Variants in HMCN2 observed in about 807,000 individuals in gnomAD.
HMCN2 encodes hemicentin 2, also known as hemicentin-2.
In HMCN2, 325 loss-of-function variants were observed where a neutral mutation model predicts 377.5. The ratio of observed to expected loss-of-function variants is 0.86; its 90% CI spans 0.79 to 0.94. The LOEUF (loss-of-function observed/expected upper bound fraction) is 0.94, where lower values mean the gene tolerates loss of function less well. HMCN2 is among the 40% of genes least tolerant of loss of function. The pLI, the probability that HMCN2 is intolerant of heterozygous loss-of-function variation, is 0.00. For synonymous variants in HMCN2, 2,007 were observed against 2,046.8 expected (o/e 0.98, Z 0.53); for missense variants, 4,543 against 4,725.3 (o/e 0.96, Z 1.13).
chr9:130,433,543 G>C lies in HMCN2; in HGVS notation c.15090G>C (p.Ala5030=). The C allele has an allele frequency of 6.8e-7, 1 of 1,468,318 alleles. No individual in the cohort carries two copies. Among genetic ancestry groups the C allele is most frequent in the East Asian group, 2.9e-5 (1 of 34,744 alleles). The allele number at this position is 1,468,318 out of a possible 1,614,324, so 91.0% of individuals were successfully genotyped here. A position where few individuals can be genotyped will look rare whatever the true frequency, so the allele number is the denominator to read the frequency against. Residue 5030 remains alanine (A), a synonymous_variant, in exon 98 of 98, where the codon GCG becomes GCC. Transcript: ENST00000683500. Reference sequence around the variant, plus strand: ...AGCCCGACCCCCGCAGCCCCTTCGCGCTGCGTCCGCTGCGCGCGGGCCTTG... The same window carrying C: ...AGCCCGACCCCCGCAGCCCCTTCGCCCTGCGTCCGCTGCGCGCGGGCCTTG... ...MLEPDPRSPF[A]LRPLRAGLGA...
At chr9:130,309,622 G>A (rs1184877136) in intron 14 of HMCN2, among the ~76,000 whole-genome samples, 1 of 151,934 alleles carries the variant, frequency 6.6e-6, no homozygotes, top group African/African-American at 2.4e-5. Context: ...GACCTGGGGT[G>A]GAGGAGTGGA....
chr9:130,297,011 C>T (rs1836202364), intron 7 of HMCN2, among the ~76,000 whole-genome samples: 1 of 152,216 alleles, frequency 6.6e-6, no homozygotes, highest in African/African-American at 2.4e-5. Flanking sequence ...GCCCAAGTGA[C>T]ATTGTGACAT....
At chr9:130,325,096 C>CTTCTT (rs1554943189) in intron 19 of HMCN2, among the ~76,000 whole-genome samples, 2 of 128,062 alleles carry the variant, frequency 1.6e-5, no homozygotes, top group African/African-American at 2.9e-5. Context: ...TCTTCTTCTT[C>CTTCTT]TTTTTTTTTT....
At chr9:130,403,065 G>C in intron 78 of HMCN2, 129 bp from the exon 79 acceptor site, 1 of 1,069,818 alleles carries the variant, frequency 9.3e-7, no homozygotes, top group Non-Finnish European at 1.2e-6. Context: ...CGTCCTTGTT[G>C]CTGTGGCCGA....
chr9:130,377,919 C>T, intron 53 of HMCN2, 120 bp downstream of exon 53: 1 of 771,308 alleles, frequency 1.3e-6, no homozygotes, highest in Non-Finnish European at 1.6e-6. Flanking sequence ...TGGCATCTCC[C>T]ACTGGCTCAT....
At chr9:130,318,155 G>A (rs1837667973) in intron 15 of HMCN2, among the ~76,000 whole-genome samples, 1 of 152,208 alleles carries the variant, frequency 6.6e-6, no homozygotes, top group Non-Finnish European at 1.5e-5. Context: ...GTCTGAGGTT[G>A]GGTCCAAGAC....
intron 8 of HMCN2, among the ~76,000 whole-genome samples, chr9:130,300,567 CTGCCGTGGGGG>C (rs1479666464): frequency 1.3e-5 from 2 of 152,256 alleles, no homozygotes; most frequent in African/African-American, 4.8e-5. Flanking sequence ...GCTCACAGGG[CTGCCGTGGGGG>C]TGCCCAAGCT....
chr9:130,363,990 AAGG>A (rs1338100987), intron 40 of HMCN2, among the ~76,000 whole-genome samples: 1 of 151,162 alleles, frequency 6.6e-6, no homozygotes, highest in Non-Finnish European at 1.5e-5. Flanking sequence ...AAGAAAGAGA[AAGG>A]AAGGAAGGAA....
At chr9:130,411,636 T>C (rs11790911) in intron 85 of HMCN2, among the ~76,000 whole-genome samples, 59,963 of 144,950 alleles carry the variant, frequency 0.41, 13,686 homozygotes, top group Middle Eastern at 0.52. Context: ...AGGAATGCAA[T>C]GCAATTCTGA....
At chr9:130,348,112 A>G in intron 26 of HMCN2, 5 of 876,668 alleles carry the variant, frequency 5.7e-6, no homozygotes, top group Non-Finnish European at 6.8e-6. Flanking sequence ...ACCAGCTCCT[A>G]ACGCCACCTG....
At chr9:130,407,286 A>G (rs1843148813) in intron 82 of HMCN2, 1 of 183,806 alleles carries the variant, frequency 5.4e-6, no homozygotes, top group African/African-American at 2.4e-5. Context: ...TCTAGAAATC[A>G]TGGCAGTGTT....
chr9:130,401,110 C>T (rs1290052727), intron 77 of HMCN2, among the ~76,000 whole-genome samples, 163 bp downstream of exon 77: 4 of 152,180 alleles, frequency 2.6e-5, no homozygotes, highest in Non-Finnish European at 5.9e-5. Context: ...CTCTGAGCTC[C>T]ATATTCTCCT....
chr9:130,354,056 C>T (rs944939), intron 31 of HMCN2, among the ~76,000 whole-genome samples: 27,710 of 152,006 alleles, frequency 0.18, 3,248 homozygotes, highest in East Asian at 0.32. Context: ...TTTTGGGACC[C>T]GAGGTCCCCC....
chr9:130,364,427 G>A (rs1840578354), intron 40 of HMCN2, among the ~76,000 whole-genome samples: 1 of 152,250 alleles, frequency 6.6e-6, no homozygotes, highest in Non-Finnish European at 1.5e-5. Context: ...AAAGTTTTGA[G>A]ATAACTGTGG....
At chr9:130,417,533 AAAAAC>A (rs1266073942) in intron 85 of HMCN2, among the ~76,000 whole-genome samples, 2 of 146,470 alleles carry the variant, frequency 1.4e-5, no homozygotes, top group East Asian at 2.0e-4. Context: ...AAAAAAAAAA[AAAAAC>A]AAAAAAAAAC....
chr9:130,298,378 G>A (rs558520324), intron 7 of HMCN2, among the ~76,000 whole-genome samples: 22 of 152,258 alleles, frequency 1.4e-4, no homozygotes, highest in African/African-American at 3.9e-4. Flanking sequence ...TAAAAAATTA[G>A]CCAGGTATAG....
chr9:130,403,005 C>T (rs1842927676), intron 78 of HMCN2, 109 bp downstream of exon 78: 2 of 1,014,126 alleles, frequency 2.0e-6, no homozygotes, highest in South Asian at 2.9e-5. Context: ...TCTCAGAGGC[C>T]CCGACCTGTC....
chr9:130,412,182 G>A (rs1843461591), intron 85 of HMCN2, among the ~76,000 whole-genome samples: 1 of 152,188 alleles, frequency 6.6e-6, no homozygotes, highest in Non-Finnish European at 1.5e-5. Context: ...ATGTTGGCCA[G>A]GCTGCTCTTG....
chr9:130,298,732 G>C (rs117898282), intron 7 of HMCN2, among the ~76,000 whole-genome samples: 1 of 152,110 alleles, frequency 6.6e-6, no homozygotes, highest in African/African-American at 2.4e-5. Context: ...ATGGGGTGGG[G>C]GACAGTTCTA....
Sources: gnomAD v4.1 joint callset for allele counts (sites outside exome capture counted in the v4.1 genomes callset) on GRCh38, gnomAD v4.1.1 for gene constraint, MANE v1.5 for transcripts, NCBI Gene and HGNC (gene_info 2026-07-23, HGNC 2026-07-21) for gene names.